RAB44: variants seen among roughly 807,000 people sequenced by gnomAD.
The protein encoded by RAB44 is RAB44, member RAS oncogene family.
In RAB44, 67 loss-of-function variants were observed where a neutral mutation model predicts 93.3. That is an observed-to-expected ratio of 0.72 (90% CI 0.59 to 0.88). RAB44 has a LOEUF of 0.88. Among genes scored for constraint, RAB44 ranks in the 40% least tolerant of loss-of-function variants. The pLI is 0.00. For synonymous variants in RAB44, 427 were observed against 520.3 expected (o/e 0.82, Z 2.44); for missense variants, 1,064 against 1,261.7 (o/e 0.84, Z 2.37).
At position 36,704,231 on chromosome 6, in the gene RAB44, G is replaced by A. The variant is rs1485864000; in HGVS notation, c.-5G>A. ...TCACTCCTCTGTCCCCAGGGCCAAC[G>A]CACCATGGAGACTGGACAGAGAACA... On this transcript the variant is annotated 5_prime_UTR_variant, in exon 2 of 14. Coordinates refer to ENST00000612677, the MANE Select transcript of RAB44 (RefSeq NM_001257357.2). The A allele has an allele frequency of 1.2e-5, 18 of 1,535,680 alleles. No homozygotes were observed. The highest frequency in any genetic ancestry group is 2.4e-5 in the South Asian group (2 of 84,052).
chr6:36,720,785 A>G (rs549908136), intron 8 of RAB44, among the ~76,000 whole-genome samples: 1 of 152,344 alleles, frequency 6.6e-6, no homozygotes, highest in East Asian at 1.9e-4. Context: ...TAAAACATGC[A>G]CATGTGTGCA....
intron 12 of RAB44, 54 bp downstream of exon 12, chr6:36,728,855 C>A: frequency 7.0e-7 from 1 of 1,421,288 alleles, no homozygotes; most frequent in Non-Finnish European, 9.7e-7. Flanking sequence ...AGACACCTCC[C>A]TGGCAGGTGG....
At position 36,722,027 on chromosome 6, in the gene RAB44, G is replaced by A; in HGVS notation, c.1893G>A (p.Arg631=). Residue 631 remains arginine (R), a synonymous_variant, in exon 9 of 14, where the codon AGG becomes AGA. Coordinates refer to ENST00000612677, the MANE Select transcript of RAB44 (RefSeq NM_001257357.2). ...TTGTGGGTCCGGTGCCCACAGAGAG[G>A]CTGGAGCAGGGCCAGGCGGGCCCAG... The part of the protein sequence containing the change: ...LEFVGPVPTE[R]LEQGQAGPAV... The A allele has an allele frequency of 8.1e-7, 1 of 1,234,866 alleles. No homozygotes were observed. The highest frequency in any genetic ancestry group is 2.1e-4 in the Middle Eastern group (1 of 4,842). The allele number at this position is 1,234,866 out of a possible 1,614,324, so 76.5% of individuals were successfully genotyped here. A position where few individuals can be genotyped will look rare whatever the true frequency, so the allele number is the denominator to read the frequency against.
chr6:36,698,581 G>A (rs1291863297), intron 1 of RAB44, among the ~76,000 whole-genome samples: 1 of 152,160 alleles, frequency 6.6e-6, no homozygotes, highest in Non-Finnish European at 1.5e-5. Flanking sequence ...GGTGAGGGAT[G>A]TGGGGAGAGG....
intron 6 of RAB44, 45 bp downstream of exon 6, chr6:36,718,163 A>G: frequency 1.7e-6 from 2 of 1,189,194 alleles, no homozygotes; most frequent in Non-Finnish European, 2.1e-6. Context: ...TGCCCGGGAC[A>G]CCTCTGCTGG....
At position 36,717,554 on chromosome 6, in the gene RAB44, A is replaced by G; in HGVS notation, c.641+135A>G. 3 of 1,036,000 alleles carry G rather than the reference A, an allele frequency of 2.9e-6. No individual in the cohort carries two copies. The highest frequency in any genetic ancestry group is 2.5e-6 in the Non-Finnish European group (2 of 810,386). 64.2% of individuals were successfully genotyped at this position (1,036,000 alleles called of 1,614,324 possible). On this transcript the variant is annotated intron_variant, in intron 5 of 13. Coordinates refer to ENST00000612677, the MANE Select transcript of RAB44 (RefSeq NM_001257357.2). This position sits in a 1 kb window ranked among gnomAD's most constrained non-coding sequence, Gnocchi z 4.1. The stretch of plus-strand genomic sequence containing the variant: ...GATAGGGCAGAGCTGCGCTGGAGGA[A>G]GAGGTGGCTCAGGGGACCGGGTGGG...
At position 36,730,737 on chromosome 6, in the gene RAB44, T is replaced by A; in HGVS notation, c.2963T>A (p.Val988Glu). The A allele has an allele frequency of 8.1e-7, 1 of 1,233,758 alleles. No individual in the cohort carries two copies. The highest frequency in any genetic ancestry group is 2.3e-4 in the Middle Eastern group (1 of 4,322). The allele number at this position is 1,233,758 out of a possible 1,614,324, so 76.4% of individuals were successfully genotyped here. A position where few individuals can be genotyped will look rare whatever the true frequency, so the allele number is the denominator to read the frequency against. The change falls in exon 13 of 14, where the codon GTA (valine) becomes GAA (glutamate). Residue 988 changes from valine (V) to glutamate (E), a missense_variant. Val to Glu is a moderately radical substitution (Grantham distance 121, BLOSUM62 -2). Coordinates refer to ENST00000612677, the MANE Select transcript of RAB44 (RefSeq NM_001257357.2). ...GGTCACAACATCCTGGAGCCTGTAG[T>A]AAACCTGGCCAGGTAAGTGCTGCCC... ...ALGHNILEPV[V>E]NLARSLRMQE...
intron 1 of RAB44, among the ~76,000 whole-genome samples, chr6:36,700,805 A>G (rs920904545): frequency 3.3e-5 from 5 of 152,190 alleles, no homozygotes; most frequent in African/African-American, 1.2e-4. Flanking sequence ...TGTAACCTGC[A>G]AGGCTGGAAC....
rs143649111 is a variant in RAB44 at position 36,730,694 on chromosome 6, G to A, written c.2920G>A (p.Glu974Lys). 5.1e-3 allele frequency: 6,283 copies of A among 1,234,316 alleles called. 29 individuals are homozygous for A. Among genetic ancestry groups the A allele is most frequent in the Non-Finnish European group, 5.4e-3 (5,339 of 988,252 alleles). The allele number at this position is 1,234,316 out of a possible 1,614,324, so 76.5% of individuals were successfully genotyped here. ...LAQELGVYFG[E>K]CSAALGHNIL... ...GCAGGAACTGGGGGTCTATTTTGGG[G>A]AGTGCAGTGCCGCCTTGGGTCACAA... The change falls in exon 13 of 14, where the codon GAG becomes AAG. Residue 974 changes from glutamate (E) to lysine (K), a missense_variant. Glu to Lys is a moderately conservative substitution (Grantham distance 56, BLOSUM62 1). Coordinates refer to ENST00000612677, the MANE Select transcript of RAB44 (RefSeq NM_001257357.2).
At chr6:36,698,261 G>A (rs2150320322) in intron 1 of RAB44, among the ~76,000 whole-genome samples, 1 of 152,286 alleles carries the variant, frequency 6.6e-6, no homozygotes, top group Admixed American at 6.5e-5. Flanking sequence ...GGACCACTGG[G>A]GTTTAGCGAC....
rs567475229 is a variant in RAB44, at chr6:36,702,293, G to GGAGA, written c.-12-1888_-12-1885dup. ...TTCATCTGAAACAGACTTCGAAGGG[G>GGAGA]GAGAGAGAGAGAGAGAGAGAGAGAG... is the stretch of plus-strand genomic sequence containing the variant. On this transcript the variant is annotated intron_variant, in intron 1 of 13. Transcript: ENST00000612677. Among the ~76,000 whole-genome samples the GGAGA allele has an allele frequency of 3.1e-3, 353 of 115,186 alleles. 3 individuals are homozygous for GGAGA. The highest frequency in any genetic ancestry group is 7.1e-3 in the East Asian group (27 of 3,798). The allele number at this position is 115,186 out of a possible 152,430, so 75.6% of individuals were successfully genotyped here. A position where few individuals can be genotyped will look rare whatever the true frequency, so the allele number is the denominator to read the frequency against.
intron 1 of RAB44, among the ~76,000 whole-genome samples, chr6:36,699,852 T>C (rs1054305612): frequency 2.0e-5 from 3 of 152,228 alleles, no homozygotes; most frequent in African/African-American, 7.2e-5. Flanking sequence ...ACTGTTGTCA[T>C]TGCTACCTTT....
chr6:36,708,361 T>C (rs1246615323), intron 2 of RAB44, among the ~76,000 whole-genome samples: 1 of 152,206 alleles, frequency 6.6e-6, no homozygotes. Context: ...TGAACATCTC[T>C]TCTGATTTGA....
At chr6:36,720,845 G>A (rs1251189912) in intron 8 of RAB44, among the ~76,000 whole-genome samples, 2 of 152,212 alleles carry the variant, frequency 1.3e-5, no homozygotes, top group Non-Finnish European at 1.5e-5. Context: ...ACATGTCCTA[G>A]TGCAGTGCTA....
At chr6:36,701,447 T>C (rs952542350) in intron 1 of RAB44, among the ~76,000 whole-genome samples, 3 of 152,148 alleles carry the variant, frequency 2.0e-5, no homozygotes, top group Admixed American at 6.5e-5. Context: ...TGTTAGAACA[T>C]TCCACATTCT....
intron 2 of RAB44, among the ~76,000 whole-genome samples, chr6:36,705,679 G>A (rs995652459): frequency 2.0e-5 from 3 of 152,020 alleles, no homozygotes; most frequent in East Asian, 1.9e-4. Flanking sequence ...CACCGCGCCC[G>A]GCCAGATAAT....
chr6:36,703,164 C>T (rs9380589), intron 1 of RAB44, among the ~76,000 whole-genome samples: 15,127 of 152,206 alleles, frequency 0.099, 909 homozygotes, highest in South Asian at 0.19. Flanking sequence ...GGCAGAAGGA[C>T]GACAGGGAGC....
At chr6:36,725,788 T>C (rs1763222973) in intron 9 of RAB44, 74 bp from the exon 10 acceptor site, 1 of 991,826 alleles carries the variant, frequency 1.0e-6, no homozygotes, top group African/African-American at 1.6e-5. Context: ...GGGACAGGTG[T>C]ATACTGGGGT....
At chr6:36,710,501 T>C (rs1038025740) in intron 2 of RAB44, among the ~76,000 whole-genome samples, 2 of 152,142 alleles carry the variant, frequency 1.3e-5, no homozygotes, top group Non-Finnish European at 2.9e-5. Context: ...CTGCTATGAA[T>C]ATGGGCATAC....
Sources: allele counts gnomAD v4.1 joint callset (sites outside exome capture counted in the v4.1 genomes callset), GRCh38; gene constraint gnomAD v4.1.1; non-coding constraint Gnocchi (gnomAD v3.1); transcripts MANE v1.5; gene names NCBI Gene and HGNC (gene_info 2026-07-23, HGNC 2026-07-21).